FETUB: variants seen among roughly 807,000 people sequenced by gnomAD.
FETUB encodes fetuin B.
In FETUB, 28 loss-of-function variants were observed where a neutral mutation model predicts 30.9. That is an observed-to-expected ratio of 0.90 (90% CI 0.67 to 1.24). The LOEUF is 1.24. Ranked by LOEUF, FETUB falls within the 50% of genes most tolerant of loss-of-function variation. The pLI is 0.00. For synonymous variants in FETUB, 186 were observed against 175.9 expected (o/e 1.06, Z -0.45); for missense variants, 469 against 455.3 (o/e 1.03, Z -0.27).
chr3:186,641,126 A>G lies in FETUB; in HGVS notation c.322A>G (p.Ile108Val). 7 of 1,610,212 alleles carry G rather than the reference A, an allele frequency of 4.3e-6. No individual in the cohort carries two copies. The highest frequency in any genetic ancestry group is 5.1e-6 in the Non-Finnish European group (6 of 1,176,714). Residue 108 changes from isoleucine (I) to valine (V), a missense_variant, in exon 2 of 7, where the codon ATA becomes GTA. Physicochemically the swap from Ile to Val is conservative, Grantham distance 29. Coordinates refer to ENST00000265029, the MANE Select transcript of FETUB (RefSeq NM_014375.3). ...GGCATGGCAAGACTGTGGAATGAGG[A>G]TATTTTTTGAATCAGTGAGTGCTTG... ...KKAWQDCGMR[I>V]FFESVYGQCK...
At chr3:186,650,164 C>A (rs368036029) in intron 5 of FETUB, among the ~76,000 whole-genome samples, 1 of 18,864 alleles carries the variant, frequency 5.3e-5, no homozygotes, top group African/African-American at 3.6e-4. Flanking sequence ...TCTTTGTTGG[C>A]GGGGGTGGGG....
intron 2 of FETUB, 35 bp downstream of exon 2, chr3:186,641,175 T>G (rs1717024549): frequency 0.014 from 14,070 of 983,098 alleles, no homozygotes; most frequent in Non-Finnish European, 0.021. Flanking sequence ...TTAAGGGCCC[T>G]AGGGAAAGCA....
chr3:186,639,194 A>G (rs1311311890), upstream of FETUB, among the ~76,000 whole-genome samples: 2 of 152,194 alleles, frequency 1.3e-5, no homozygotes, highest in South Asian at 2.1e-4. Context: ...AAGGCATCAC[A>G]CAGGTGAAAG....
Position 186,652,635 on chromosome 3 carries a change from T to A in FETUB, c.*4T>A, listed in dbSNP as rs376856037. ...CCCTCTTGTCCTTCCGCCATGAGAA[T>A]CACACAGAGTCTTCTGTAGGGGTAT... On this transcript the variant is annotated 3_prime_UTR_variant, in exon 7 of 7. Coordinates refer to ENST00000265029, the MANE Select transcript of FETUB (RefSeq NM_014375.3). 3.8e-6 allele frequency: 6 copies of A among 1,597,064 alleles called. No individual in the cohort carries two copies. In the African/African-American group the frequency reaches 8.1e-5, roughly 22 times the overall value.
chr3:186,637,481 A>G (rs1716808838), upstream of FETUB, among the ~76,000 whole-genome samples: 1 of 152,194 alleles, frequency 6.6e-6, no homozygotes, highest in African/African-American at 2.4e-5. Context: ...TCTGCAGCCA[A>G]CAATGTCTCA....
At position 186,652,362 on chromosome 3, in the gene FETUB, TC is replaced by T; in HGVS notation, c.885del (p.Ser296ProfsTer35). 1.9e-6 allele frequency: 3 copies of T among 1,565,192 alleles called. No individual in the cohort carries two copies. The highest frequency in any genetic ancestry group is 2.6e-6 in the Non-Finnish European group (3 of 1,142,650). On this transcript the variant is annotated frameshift_variant, in exon 7 of 7. Coordinates refer to ENST00000265029, the MANE Select transcript of FETUB (RefSeq NM_014375.3). LOFTEE classifies it low-confidence loss of function (END_TRUNC). Reference sequence around the variant, plus strand: ...GCAGAAAAACACCCCCCCAACAGACTCCCCCTCCAAAGCTGGGCCAAGAGGA... The same window carrying T: ...GCAGAAAAACACCCCCCCAACAGACTCCCCTCCAAAGCTGGGCCAAGAGGA... ...SQQKNTPPTD[S>X]PSKAGPRGSV...
chr3:186,644,734 G>T lies in FETUB; in HGVS notation c.425-17G>T, dbSNP rs912535817. The T allele has an allele frequency of 1.4e-5, 22 of 1,580,668 alleles. No homozygotes were observed. The highest frequency in any genetic ancestry group is 1.9e-5 in the Non-Finnish European group (22 of 1,166,650). Reference sequence around the variant, plus strand: ...AAATTAATAGCATTTAAAAACTTATGTTATTGGCATCAACAGTTTCAAAAA... The same window carrying T: ...AAATTAATAGCATTTAAAAACTTATTTTATTGGCATCAACAGTTTCAAAAA... On this transcript the variant is annotated splice_polypyrimidine_tract_variant and intron_variant, in intron 3 of 6. Coordinates refer to ENST00000265029, the MANE Select transcript of FETUB (RefSeq NM_014375.3).
rs1717373615 is a variant in FETUB, at chr3:186,644,909, G to A, written c.583G>A (p.Ala195Thr). ...KQYSLFKVTR[A>T]SSQWVVGPSY... is the part of the protein sequence containing the mutation. ...GTATTCTCTCTTCAAAGTCACCAGG[G>A]CTTCTAGCCAGGTAAGGCTAAAACT... is the stretch of plus-strand genomic sequence containing the variant. Residue 195 changes from alanine (A) to threonine (T), a missense_variant, in exon 4 of 7, where the codon GCT becomes ACT. Transcript: ENST00000265029. 6.2e-7 allele frequency: 1 copy of A among 1,612,094 alleles called. No individual in the cohort carries two copies. The highest frequency in any genetic ancestry group is 1.7e-4 in the Middle Eastern group (1 of 6,046).
intron 5 of FETUB, among the ~76,000 whole-genome samples, chr3:186,646,722 G>A (rs1454542886): frequency 6.6e-6 from 1 of 152,220 alleles, no homozygotes; most frequent in Admixed American, 6.5e-5. Flanking sequence ...AAGAGGGAAA[G>A]TATGCCTTGA....
intron 5 of FETUB, among the ~76,000 whole-genome samples, chr3:186,646,877 TC>T (rs1371252329): frequency 6.6e-6 from 1 of 152,226 alleles, no homozygotes; most frequent in Non-Finnish European, 1.5e-5. Flanking sequence ...GTAAAATTCA[TC>T]CATTTAAGGT....
intron 1 of FETUB, 38 bp downstream of exon 1, chr3:186,640,723 G>A (rs990231650): frequency 2.6e-6 from 4 of 1,554,572 alleles, no homozygotes; most frequent in African/African-American, 2.7e-5. Context: ...GCAGGGATGT[G>A]GGCAAGCTGG....
At chr3:186,641,477 A>G (rs1304547715) in intron 2 of FETUB, 2 of 197,930 alleles carry the variant, frequency 1.0e-5, no homozygotes, top group Non-Finnish European at 2.1e-5. Context: ...ACGTGGGGTT[A>G]ATGTAGACTG....
In FETUB at chr3:186,651,893, A is replaced by G. The variant is rs140711199; in HGVS notation, c.781-370A>G. 165 of 173,052 alleles carry G rather than the reference A, an allele frequency of 9.5e-4. 1 individual carries two copies. Among genetic ancestry groups the G allele is most frequent in the African/African-American group, 3.8e-3 (160 of 41,950 alleles). 10.7% of individuals were successfully genotyped at this position (173,052 alleles called of 1,614,324 possible). A position where few individuals can be genotyped will look rare whatever the true frequency, so the allele number is the denominator to read the frequency against. On this transcript the variant is annotated intron_variant, in intron 6 of 6. Coordinates refer to ENST00000265029, the MANE Select transcript of FETUB (RefSeq NM_014375.3). ...ATCCCTGTGAGAAGCAAGTGAAAGG[A>G]CCTGAATGAAGGGTGCTGTACAAGG...
intron 6 of FETUB, 58 bp downstream of exon 6, chr3:186,651,359 A>G: frequency 9.6e-7 from 1 of 1,040,766 alleles, no homozygotes; most frequent in Middle Eastern, 2.0e-4. Context: ...ATCGATAGTT[A>G]CCTGCCACTA....
chr3:186,642,905 T>C (rs944830110), intron 3 of FETUB, among the ~76,000 whole-genome samples: 5 of 152,232 alleles, frequency 3.3e-5, no homozygotes, highest in African/African-American at 4.8e-5. Flanking sequence ...CACTCCATTC[T>C]ACTGGATGCC....
At chr3:186,644,944 A>C (rs760168975) in intron 4 of FETUB, 24 bp downstream of exon 4, 9 of 1,586,758 alleles carry the variant, frequency 5.7e-6, no homozygotes, top group Middle Eastern at 1.7e-4. Flanking sequence ...TGCCCAAGCC[A>C]GTTACACAGT....
upstream of FETUB, among the ~76,000 whole-genome samples, chr3:186,640,059 C>A (rs1249330741): frequency 2.0e-5 from 3 of 152,110 alleles, no homozygotes; most frequent in Middle Eastern, 3.2e-3. Context: ...CATAAGATAA[C>A]TATTAGAGTG....
Position 186,641,107 on chromosome 3 carries a change from G to C in FETUB, c.303G>C (p.Trp101Cys). The change falls in exon 2 of 7, where the codon TGG becomes TGC. Residue 101 changes from tryptophan to cysteine, a missense_variant. Transcript: ENST00000265029. Reference protein sequence around the residue: ...TDCHVLRKKAWQDCGMRIFFE... With the variant: ...TDCHVLRKKACQDCGMRIFFE... ...GCCATGTGCTCAGAAAGAAGGCATG[G>C]CAAGACTGTGGAATGAGGATATTTT... 1 of 1,613,480 alleles carries C rather than the reference G, an allele frequency of 6.2e-7. No individual in the cohort carries two copies. Among genetic ancestry groups the C allele is most frequent in the African/African-American group, 1.3e-5 (1 of 75,050 alleles).
chr3:186,636,815 C>T (rs187778289), upstream of FETUB, among the ~76,000 whole-genome samples: 17 of 152,290 alleles, frequency 1.1e-4, no homozygotes, highest in African/African-American at 4.1e-4. Context: ...GAAAAGTGAA[C>T]GCTCTGTTAA....
Sources: allele counts gnomAD v4.1 joint callset (sites outside exome capture counted in the v4.1 genomes callset), GRCh38; gene constraint gnomAD v4.1.1; transcripts MANE v1.5; gene names NCBI Gene and HGNC (gene_info 2026-07-23, HGNC 2026-07-21).